The following SMARCA5 variants were observed in gnomAD, a reference collection of about 807,000 sequenced individuals.
SMARCA5 encodes the protein SNF2 related chromatin remodeling ATPase 5, also known as SWI/SNF-related matrix-associated actin-dependent regulator of chromatin subfamily A member 5.
In SMARCA5, 18 loss-of-function variants were observed where a neutral mutation model predicts 140.4. The ratio of observed to expected loss-of-function variants is 0.13; its 90% CI spans 0.09 to 0.19. The LOEUF is 0.19. SMARCA5 is among the 10% of genes least tolerant of loss of function. The pLI is 1.00. For missense variants in SMARCA5, 606 were observed against 1,276.8 expected (o/e 0.47, Z 8.01); for synonymous variants, 449 against 419.6 (o/e 1.07, Z -0.86).
In SMARCA5 at chr4:143,524,359, C is replaced by T; in HGVS notation, c.420-8C>T. On this transcript the variant is annotated splice_region_variant and splice_polypyrimidine_tract_variant and intron_variant, in intron 3 of 23. Transcript: ENST00000283131. ...TCAAATCAGGTTATTTTATTTTCATCTTAACAGTTACCGACACCGTAGAAC... is the reference window on the plus strand; with the variant it reads ...TCAAATCAGGTTATTTTATTTTCATTTTAACAGTTACCGACACCGTAGAAC... The T allele has an allele frequency of 6.3e-7, 1 of 1,583,984 alleles. No homozygotes were observed.
chr4:143,521,633 T>G (rs2149816958), intron 3 of SMARCA5, 38 bp downstream of exon 3: 5 of 1,520,284 alleles, frequency 3.3e-6, no homozygotes, highest in Non-Finnish European at 4.5e-6. Flanking sequence ...CAACCAAACT[T>G]ATTTTCGATA....
At chr4:143,535,428 C>A (rs1343928514) in intron 10 of SMARCA5, among the ~76,000 whole-genome samples, 2 of 152,234 alleles carry the variant, frequency 1.3e-5, no homozygotes, top group East Asian at 3.9e-4. Flanking sequence ...CATCATATTT[C>A]ATGTATATTT....
At chr4:143,517,521 T>TA (rs1481471936) in intron 2 of SMARCA5, 92 bp downstream of exon 2, 2 of 690,630 alleles carry the variant, frequency 2.9e-6, no homozygotes, top group Non-Finnish European at 4.7e-6. Context: ...CATTTTGTGT[T>TA]ACAACAATAC....
Position 143,547,508 on chromosome 4 carries a change from TTTGC to T in SMARCA5, c.2772+9_2772+12del. The T allele has an allele frequency of 6.8e-7, 1 of 1,475,506 alleles. No individual in the cohort carries two copies. Among genetic ancestry groups the T allele is most frequent in the Non-Finnish European group, 9.5e-7 (1 of 1,055,376 alleles). The allele number at this position is 1,475,506 out of a possible 1,614,324, so 91.4% of individuals were successfully genotyped here. ...AAGAAAGCACTTGACACAAAGGTAA[TTTGC>T]TTGTTAATAAGTTAGGTAGTTAATA... On this transcript the variant is annotated splice_donor_region_variant and intron_variant, in intron 21 of 23. Coordinates refer to ENST00000283131, the MANE Select transcript of SMARCA5 (RefSeq NM_003601.4).
In SMARCA5 at chr4:143,556,350, C is replaced by T. The variant is rs889901607; in HGVS notation, c.*3166C>T. ...TCTTAAAAAGCATTGTAAAACACCC[C>T]TGTGGTTTTTCAGAAAAATTCTGAG... On this transcript the variant is annotated 3_prime_UTR_variant, in exon 24 of 24. Coordinates refer to ENST00000283131, the MANE Select transcript of SMARCA5 (RefSeq NM_003601.4). 3 of 152,166 alleles carry T rather than the reference C, an allele frequency of 2.0e-5. No homozygotes were observed. The highest frequency in any genetic ancestry group is 7.2e-5 in the African/African-American group (3 of 41,440). 9.4% of individuals were successfully genotyped at this position (152,166 alleles called of 1,614,324 possible).
Position 143,547,693 on chromosome 4 carries a change from C to G in SMARCA5, c.2772+190C>G, listed in dbSNP as rs556819362. Among the ~76,000 whole-genome samples, 24 of 152,084 alleles carry G rather than the reference C, an allele frequency of 1.6e-4. No homozygotes were observed. The East Asian group carries it at 4.4e-3, about 28-fold the overall frequency. ...GACTGATAGATCTGAGTCAAAGACA[C>G]TAAGATTAGCTTTTTACTAAGTAGA... On this transcript the variant is annotated intron_variant, in intron 21 of 23. Coordinates refer to ENST00000283131, the MANE Select transcript of SMARCA5 (RefSeq NM_003601.4).
chr4:143,550,225 C>CT (rs70953739), intron 23 of SMARCA5, 121 bp downstream of exon 23: 80,451 of 214,516 alleles, frequency 0.38, 13,376 homozygotes, highest in African/African-American at 0.48. Flanking sequence ...ATTGCCTTTA[C>CT]TTTTTTTTTT....
Position 143,520,823 on chromosome 4 carries a change from C to T in SMARCA5, c.253-606C>T, listed in dbSNP as rs145555564. On this transcript the variant is annotated intron_variant, in intron 2 of 23. Transcript: ENST00000283131. ...TTTTTTTGCCCAAGTAAATTTTTTC[C>T]ATTCTCTCGGTATTATAATAGGGAA... Among the ~76,000 whole-genome samples, 523 of 151,794 alleles carry T rather than the reference C, an allele frequency of 3.4e-3. 5 individuals carry two copies. The highest frequency in any genetic ancestry group is 0.011 in the African/African-American group (473 of 41,380).
At chr4:143,521,923 A>T (rs1330424069) in intron 3 of SMARCA5, among the ~76,000 whole-genome samples, 1 of 151,662 alleles carries the variant, frequency 6.6e-6, no homozygotes, top group Non-Finnish European at 1.5e-5. Flanking sequence ...AAAAAGAATA[A>T]AACTGCATAA....
intron 20 of SMARCA5, 45 bp downstream of exon 20, chr4:143,546,953 G>A: frequency 6.3e-7 from 1 of 1,587,482 alleles, no homozygotes; most frequent in African/African-American, 1.3e-5. Flanking sequence ...AGAGCTGTTG[G>A]AAGGTTCTTG....
Position 143,527,859 on chromosome 4 carries a change from G to C in SMARCA5, c.802-9G>C, listed in dbSNP as rs759771412. On this transcript the variant is annotated splice_polypyrimidine_tract_variant and intron_variant, in intron 6 of 23. Transcript: ENST00000283131. ...CTACGTGATGTAATTTTTTTCTCTT[G>C]TTACACAGGCTGCTTTTGTCAGAGA... 3.2e-6 allele frequency: 5 copies of C among 1,584,426 alleles called. No individual in the cohort carries two copies. The highest frequency in any genetic ancestry group is 4.3e-6 in the Non-Finnish European group (5 of 1,172,040).
At chr4:143,551,555 T>C (rs1344259544) in intron 23 of SMARCA5, among the ~76,000 whole-genome samples, 3 of 152,090 alleles carry the variant, frequency 2.0e-5, no homozygotes, top group Non-Finnish European at 2.9e-5. Context: ...TTTAATACAT[T>C]TTGATTTGAT....
chr4:143,524,554 T>A, intron 4 of SMARCA5, 87 bp downstream of exon 4: 1 of 791,766 alleles, frequency 1.3e-6, no homozygotes, highest in Non-Finnish European at 2.1e-6. Context: ...GGCTACTATT[T>A]GTGAAGCAAA....
chr4:143,550,446 C>T (rs938405087), intron 23 of SMARCA5, among the ~76,000 whole-genome samples: 8 of 151,898 alleles, frequency 5.3e-5, no homozygotes, highest in African/African-American at 1.7e-4. Flanking sequence ...ATCCCTGTTA[C>T]AAACAGTTTA....
intron 8 of SMARCA5, among the ~76,000 whole-genome samples, chr4:143,530,047 G>A (rs139986905): frequency 6.6e-6 from 1 of 152,130 alleles, no homozygotes; most frequent in Non-Finnish European, 1.5e-5. Context: ...ATTTCATTTA[G>A]TAAGTTTGAT....
intron 9 of SMARCA5, among the ~76,000 whole-genome samples, chr4:143,531,468 C>T (rs924994077): frequency 2.0e-5 from 3 of 152,170 alleles, no homozygotes; most frequent in Non-Finnish European, 4.4e-5. Flanking sequence ...TTCTCAGCCT[C>T]TTTTGACATT....
chr4:143,532,012 A>T (rs1478711131), intron 9 of SMARCA5, among the ~76,000 whole-genome samples: 1 of 152,214 alleles, frequency 6.6e-6, no homozygotes, highest in Non-Finnish European at 1.5e-5. Context: ...TCCATACTGG[A>T]TTGTAAGCAC....
intron 22 of SMARCA5, among the ~76,000 whole-genome samples, chr4:143,549,627 C>T (rs1293916957): frequency 6.6e-6 from 1 of 151,938 alleles, no homozygotes; most frequent in Non-Finnish European, 1.5e-5. Context: ...TGTTTTTGAC[C>T]CTCACATATG....
In SMARCA5 at chr4:143,538,599, T is replaced by C; in HGVS notation, c.1505T>C (p.Val502Ala). 2 of 1,612,774 alleles carry C rather than the reference T, an allele frequency of 1.2e-6. No individual in the cohort carries two copies. Among genetic ancestry groups the C allele is most frequent in the Non-Finnish European group, 1.7e-6 (2 of 1,178,872 alleles). Residue 502 changes from valine to alanine, a missense_variant, in exon 12 of 24, where the codon GTA becomes GCA. Physicochemically the swap from Val to Ala is moderately conservative, Grantham distance 64. Coordinates refer to ENST00000283131, the MANE Select transcript of SMARCA5 (RefSeq NM_003601.4). Reference sequence around the variant, plus strand: ...TTATATTCCCCAACAGGTTCACGAGTACTAATCTTCAGTCAAATGACAAGG... The same window carrying C: ...TTATATTCCCCAACAGGTTCACGAGCACTAATCTTCAGTCAAATGACAAGG... Reference protein sequence around the residue: ...LPKLKEQGSRVLIFSQMTRVL... With the variant: ...LPKLKEQGSRALIFSQMTRVL...
Sources: allele counts gnomAD v4.1 joint callset (sites outside exome capture counted in the v4.1 genomes callset), GRCh38; gene constraint gnomAD v4.1.1; transcripts MANE v1.5; gene names NCBI Gene and HGNC (gene_info 2026-07-23, HGNC 2026-07-21).